Variants in LINGO2 observed in about 807,000 individuals in gnomAD.
The protein encoded by LINGO2 is leucine-rich repeat and immunoglobulin-like domain-containing nogo receptor-interacting protein 2.
Under a neutral mutation model 30.6 loss-of-function variants are expected in LINGO2, and 14 were observed. The observed-to-expected ratio is 0.46, with a 90% CI of 0.30 to 0.72. LINGO2 has a LOEUF of 0.72. LINGO2 is among the 30% of genes least tolerant of loss of function. The pLI is 0.07. For missense variants in LINGO2, 729 were observed against 751.7 expected (o/e 0.97, Z 0.35); for synonymous variants, 317 against 288.5 (o/e 1.10, Z -1.00).
chr9:28,964,131 C>T, the LINGO2 span, among the ~76,000 whole-genome samples: 2 of 151,812 alleles, frequency 1.3e-5, no homozygotes, highest in Admixed American at 6.6e-5. Flanking sequence ...TACACACATA[C>T]ATATACATAT....
At chr9:28,875,552 T>A in the LINGO2 span, among the ~76,000 whole-genome samples, 3 of 152,158 alleles carry the variant, frequency 2.0e-5, no homozygotes, top group South Asian at 6.2e-4. Flanking sequence ...AAATCCAGGA[T>A]CCAAAAAGGG....
At chr9:29,129,810 G>C in the LINGO2 span, among the ~76,000 whole-genome samples, 1 of 152,114 alleles carries the variant, frequency 6.6e-6, no homozygotes, top group South Asian at 2.1e-4. Flanking sequence ...TAAGGTTGTA[G>C]AGATGGTGGT....
At chr9:29,114,420 TAC>T in the LINGO2 span, among the ~76,000 whole-genome samples, 14 of 137,112 alleles carry the variant, frequency 1.0e-4, 1 homozygote, top group Non-Finnish European at 2.2e-4. Flanking sequence ...ATTATTATTA[TAC>T]TTTATGTTTT....
chr9:28,119,236 C>T (rs2133389356), intron 4 of LINGO2, among the ~76,000 whole-genome samples: 1 of 152,218 alleles, frequency 6.6e-6, no homozygotes, highest in African/African-American at 2.4e-5. Flanking sequence ...TGAGGGTTCC[C>T]AACCTAGAAA....
At chr9:28,969,764 T>C in the LINGO2 span, among the ~76,000 whole-genome samples, 1 of 152,172 alleles carries the variant, frequency 6.6e-6, no homozygotes, top group Non-Finnish European at 1.5e-5. Flanking sequence ...GATTCAAGAA[T>C]GATTCTTAGG....
At chr9:28,467,680 T>A (rs1193626228) in intron 2 of LINGO2, among the ~76,000 whole-genome samples, 3 of 152,094 alleles carry the variant, frequency 2.0e-5, no homozygotes, top group Non-Finnish European at 4.4e-5. Context: ...TTATTTTTAA[T>A]GAGTAAAAAT....
the LINGO2 span, among the ~76,000 whole-genome samples, chr9:28,809,073 C>T: frequency 4.6e-5 from 7 of 152,174 alleles, no homozygotes; most frequent in Admixed American, 6.5e-5. Flanking sequence ...AGTATAAACA[C>T]ATCTGGCAAG....
intron 4 of LINGO2, among the ~76,000 whole-genome samples, chr9:28,163,649 A>G (rs1828347918): frequency 1.3e-5 from 2 of 152,180 alleles, no homozygotes; most frequent in Admixed American, 1.3e-4. Context: ...ATAAATAAAA[A>G]TAAGAATACA....
chr9:28,087,598 C>A (rs969880288), intron 4 of LINGO2, among the ~76,000 whole-genome samples: 1 of 151,946 alleles, frequency 6.6e-6, no homozygotes, highest in Non-Finnish European at 1.5e-5. Context: ...CTGGAATGAT[C>A]ATGAAATAGA....
chr9:28,968,869 C>T, the LINGO2 span, among the ~76,000 whole-genome samples: 12 of 152,196 alleles, frequency 7.9e-5, no homozygotes, highest in East Asian at 5.8e-4. Context: ...TATCAAACCA[C>T]GACAGAGTGC....
intron 2 of LINGO2, among the ~76,000 whole-genome samples, chr9:28,471,250 C>T (rs1825506512): frequency 6.6e-6 from 1 of 152,140 alleles, no homozygotes; most frequent in Admixed American, 6.6e-5. Context: ...GGTCCAAGTG[C>T]ATACTAGCAG....
chr9:28,861,197 T>C, the LINGO2 span, among the ~76,000 whole-genome samples: 12 of 110,038 alleles, frequency 1.1e-4, no homozygotes, highest in South Asian at 1.9e-3. Context: ...ATATTTTATA[T>C]ATTATATATT....
Position 28,147,599 on chromosome 9 carries a change from C to T in LINGO2, c.-86-135194G>A, listed in dbSNP as rs948278048. ...GGCCCTGTAACCCGGGGGACAGGGC[C>T]GGCCAAGACAGGGCCACTGGGTGCC... On this transcript the variant is annotated intron_variant, in intron 4 of 5. Coordinates refer to ENST00000379992, the Ensembl canonical transcript of LINGO2. This position sits in a 1 kb window ranked among gnomAD's most constrained non-coding sequence, Gnocchi z 4.7. Among the ~76,000 whole-genome samples, 23 of 152,218 alleles carry T rather than the reference C, an allele frequency of 1.5e-4. No individual in the cohort carries two copies. Among genetic ancestry groups the T allele is most frequent in the East Asian group, 2.0e-4 (1 of 5,128 alleles).
At chr9:29,116,126 A>G in the LINGO2 span, among the ~76,000 whole-genome samples, 3 of 141,248 alleles carry the variant, frequency 2.1e-5, no homozygotes, top group Non-Finnish European at 4.7e-5. Flanking sequence ...ATATGATTTA[A>G]TCATTATGGA....
At chr9:28,870,937 T>C in the LINGO2 span, among the ~76,000 whole-genome samples, 1 of 151,992 alleles carries the variant, frequency 6.6e-6, no homozygotes, top group Non-Finnish European at 1.5e-5. Flanking sequence ...TCATTAATAA[T>C]AGTGTAAGTT....
intron 2 of LINGO2, among the ~76,000 whole-genome samples, chr9:28,399,103 C>G (rs1261063656): frequency 6.6e-6 from 1 of 152,198 alleles, no homozygotes; most frequent in African/African-American, 2.4e-5. Flanking sequence ...ATCCAAATAT[C>G]CTACCAGAAG....
At chr9:28,730,940 C>A in the LINGO2 span, among the ~76,000 whole-genome samples, 2 of 151,306 alleles carry the variant, frequency 1.3e-5, no homozygotes, top group Non-Finnish European at 2.9e-5. Context: ...TTGCCAGTTT[C>A]TTTTAAAATA....
chr9:28,424,354 G>C (rs999210497), intron 2 of LINGO2, among the ~76,000 whole-genome samples: 1 of 152,088 alleles, frequency 6.6e-6, no homozygotes, highest in African/African-American at 2.4e-5. Flanking sequence ...ATAAGTCCAG[G>C]CTAGCCTGCT....
chr9:28,499,877 C>T (rs1056489938), intron 1 of LINGO2, among the ~76,000 whole-genome samples: 5 of 152,172 alleles, frequency 3.3e-5, no homozygotes, highest in East Asian at 1.9e-4. Context: ...TATATGTCCC[C>T]ACTGGATGCC....
Sources: allele counts gnomAD v4.1 joint callset (sites outside exome capture counted in the v4.1 genomes callset), GRCh38; gene constraint gnomAD v4.1.1; non-coding constraint Gnocchi (gnomAD v3.1); transcripts MANE v1.5; gene names NCBI Gene and HGNC (gene_info 2026-07-23, HGNC 2026-07-21).